SH3BGRL2: variants seen among roughly 807,000 people sequenced by gnomAD.
The protein encoded by SH3BGRL2 is SH3 domain-binding glutamic acid-rich-like protein 2.
Under a neutral mutation model 14.8 loss-of-function variants are expected in SH3BGRL2, and 21 were observed. The observed-to-expected ratio is 1.42, with a 90% CI of 1.01 to 2.05. The LOEUF is 2.05. Ranked by LOEUF, SH3BGRL2 falls within the 30% of genes most tolerant of loss-of-function variation. The probability of loss-of-function intolerance (pLI) is 0.00; values close to 1 mark genes in which losing one functional copy is unlikely to be tolerated. For synonymous variants in SH3BGRL2, 50 were observed against 47.8 expected (o/e 1.05, Z -0.19); for missense variants, 147 against 130.8 (o/e 1.12, Z -0.61).
the SH3BGRL2 span, among the ~76,000 whole-genome samples, chr6:79,563,178 A>G: frequency 6.7e-6 from 1 of 149,218 alleles, no homozygotes; most frequent in East Asian, 2.0e-4. Flanking sequence ...GGGGTTTCAC[A>G]GTGTTAGCCA....
the SH3BGRL2 span, among the ~76,000 whole-genome samples, chr6:79,567,266 A>G: frequency 6.6e-6 from 1 of 152,220 alleles, no homozygotes; most frequent in Non-Finnish European, 1.5e-5. Context: ...TTATTAAATC[A>G]TTTTTGTGGA....
the SH3BGRL2 span, among the ~76,000 whole-genome samples, chr6:79,612,253 A>G: frequency 2.0e-5 from 3 of 152,160 alleles, no homozygotes; most frequent in Admixed American, 6.5e-5. Flanking sequence ...GTGAGCCCAC[A>G]TATCACCACT....
chr6:79,538,018 GTTTTTTT>G, the SH3BGRL2 span, among the ~76,000 whole-genome samples: 360 of 44,116 alleles, frequency 8.2e-3, no homozygotes, highest in South Asian at 0.016. Context: ...TTGCACACAA[GTTTTTTT>G]TTTTTTTTTT....
the SH3BGRL2 span, among the ~76,000 whole-genome samples, chr6:79,560,794 A>G: frequency 1.9e-4 from 28 of 150,860 alleles, no homozygotes; most frequent in Admixed American, 2.0e-4. Context: ...GGCCACATAT[A>G]TCTTTAACAT....
chr6:79,582,826 A>G, the SH3BGRL2 span, among the ~76,000 whole-genome samples: 1 of 152,354 alleles, frequency 6.6e-6, no homozygotes, highest in African/African-American at 2.4e-5. Context: ...GGCAAAAGAA[A>G]CTACCATCAG....
chr6:79,600,509 G>C, the SH3BGRL2 span, among the ~76,000 whole-genome samples: 18,034 of 152,092 alleles, frequency 0.12, 1,262 homozygotes, highest in Non-Finnish European at 0.16. Flanking sequence ...CTTGCTCTGC[G>C]GAGAGGAAAA....
chr6:79,538,026 T>G, the SH3BGRL2 span, among the ~76,000 whole-genome samples: 9 of 84,130 alleles, frequency 1.1e-4, no homozygotes, highest in African/African-American at 3.9e-4. Context: ...AAGTTTTTTT[T>G]TTTTTTTTTT....
chr6:79,608,380 C>T, the SH3BGRL2 span, among the ~76,000 whole-genome samples: 1 of 152,224 alleles, frequency 6.6e-6, no homozygotes, highest in African/African-American at 2.4e-5. Flanking sequence ...AGGATCATCC[C>T]TCCAGTACAA....
At chr6:79,583,430 C>T in the SH3BGRL2 span, among the ~76,000 whole-genome samples, 6 of 152,302 alleles carry the variant, frequency 3.9e-5, no homozygotes, top group African/African-American at 1.4e-4. Context: ...GGCATATATA[C>T]ACCATGGAAT....
chr6:79,662,119 T>A (rs956165511), intron 1 of SH3BGRL2, among the ~76,000 whole-genome samples: 5 of 152,236 alleles, frequency 3.3e-5, no homozygotes, highest in African/African-American at 1.2e-4. Context: ...TCTGTGTCTT[T>A]TAATTGGTGC....
intron 1 of SH3BGRL2, among the ~76,000 whole-genome samples, chr6:79,651,998 A>C (rs1465481327): frequency 6.6e-6 from 1 of 152,058 alleles, no homozygotes; most frequent in African/African-American, 2.4e-5. Flanking sequence ...CCTTCTCCCA[A>C]ATTCCCTCAG....
At chr6:79,685,495 TTA>T (rs1307052939) in intron 2 of SH3BGRL2, among the ~76,000 whole-genome samples, 37 of 152,192 alleles carry the variant, frequency 2.4e-4, no homozygotes, top group African/African-American at 8.9e-4. Context: ...CATTCATGTA[TTA>T]ATATCTATAT....
chr6:79,649,538 T>G (rs1257466789), intron 1 of SH3BGRL2, among the ~76,000 whole-genome samples: 1 of 152,100 alleles, frequency 6.6e-6, no homozygotes, highest in Admixed American at 6.6e-5. Context: ...TTGTAGCACC[T>G]TTTTTTGCCT....
chr6:79,567,892 G>GT, the SH3BGRL2 span, among the ~76,000 whole-genome samples: 1 of 152,208 alleles, frequency 6.6e-6, no homozygotes, highest in African/African-American at 2.4e-5. Flanking sequence ...TATAACTCCA[G>GT]TAAAGACACA....
At chr6:79,581,134 G>C in the SH3BGRL2 span, among the ~76,000 whole-genome samples, 1 of 152,136 alleles carries the variant, frequency 6.6e-6, no homozygotes, top group Non-Finnish European at 1.5e-5. Context: ...CTCTGAAATT[G>C]AGGCAACAAT....
chr6:79,685,307 T>C (rs1770069617), intron 2 of SH3BGRL2, among the ~76,000 whole-genome samples: 1 of 152,212 alleles, frequency 6.6e-6, no homozygotes, highest in Non-Finnish European at 1.5e-5. Context: ...TCTCTCTTTC[T>C]GAATCTTATG....
intron 1 of SH3BGRL2, among the ~76,000 whole-genome samples, chr6:79,643,281 G>A (rs1482424163): frequency 6.6e-6 from 1 of 151,990 alleles, no homozygotes; most frequent in Non-Finnish European, 1.5e-5. Flanking sequence ...TTTTTATATT[G>A]CCCCACATTG....
intron 1 of SH3BGRL2, among the ~76,000 whole-genome samples, chr6:79,634,422 A>G (rs1216032933): frequency 1.3e-5 from 2 of 152,194 alleles, no homozygotes; most frequent in African/African-American, 2.4e-5. Flanking sequence ...CTCAGTTCTA[A>G]GAAAATAATA....
At chr6:79,558,073 A>G in the SH3BGRL2 span, among the ~76,000 whole-genome samples, 1 of 152,252 alleles carries the variant, frequency 6.6e-6, no homozygotes, top group Non-Finnish European at 1.5e-5. Flanking sequence ...TAATTTAAAT[A>G]CGTTAGCACA....
Sources: allele counts gnomAD v4.1 joint callset (sites outside exome capture counted in the v4.1 genomes callset), GRCh38; gene constraint gnomAD v4.1.1; transcripts MANE v1.5; gene names NCBI Gene and HGNC (gene_info 2026-07-23, HGNC 2026-07-21).